The following CACNA1H variants were observed in gnomAD, a reference collection of about 807,000 sequenced individuals.
CACNA1H encodes the protein voltage-dependent T-type calcium channel subunit alpha-1H.
In CACNA1H, 149 loss-of-function variants were observed where a neutral mutation model predicts 192.5. The ratio of observed to expected loss-of-function variants is 0.77; its 90% confidence interval spans 0.68 to 0.89. The LOEUF (loss-of-function observed/expected upper bound fraction) is 0.89. Ranked by LOEUF, CACNA1H falls within the 40% of genes least tolerant of loss-of-function variation. CACNA1H has a pLI of 0.00. For missense variants in CACNA1H, 4,257 were observed against 3,423.5 expected (o/e 1.24, Z -6.08); for synonymous variants, 2,202 against 1,475.2 (o/e 1.49, Z -11.29).
At chr16:1,217,096 C>T (rs867806482) in intron 31 of CACNA1H, 86 bp downstream of exon 31, 11 of 1,196,472 alleles carry the variant, frequency 9.2e-6, no homozygotes, top group Middle Eastern at 2.2e-4. Context: ...CAGGCACATG[C>T]TTGCAAATAG....
At chr16:1,161,259 G>A (rs968505729) in intron 2 of CACNA1H, among the ~76,000 whole-genome samples, 3 of 152,220 alleles carry the variant, frequency 2.0e-5, no homozygotes, top group Non-Finnish European at 2.9e-5. Flanking sequence ...TAGGTGACAC[G>A]GGATGTTGGC....
intron 6 of CACNA1H, 196 bp downstream of exon 6, chr16:1,198,970 TGGCA>T: frequency 2.1e-6 from 1 of 470,480 alleles, no homozygotes; most frequent in Non-Finnish European, 3.6e-6. Context: ...TCCGCCCAGC[TGGCA>T]GTCACCGCCC....
intron 9 of CACNA1H, 65 bp downstream of exon 9, chr16:1,202,517 G>A (rs149113566): frequency 1.9e-5 from 26 of 1,367,664 alleles, no homozygotes; most frequent in Middle Eastern, 2.0e-4. Context: ...CAGGGTCTCC[G>A]GTGTGTCATT....
chr16:1,214,525 C>T lies in CACNA1H; in HGVS notation c.4930-447C>T, dbSNP rs576181099. ...GGCTCCCAGGTCCATCTGGGCAGTACCTCCCAGCCCAGCCCAGGCTGCATA... is the reference window on the plus strand; with the variant it reads ...GGCTCCCAGGTCCATCTGGGCAGTATCTCCCAGCCCAGCCCAGGCTGCATA... On this transcript the variant is annotated intron_variant, in intron 27 of 34. Transcript: ENST00000348261. Among the ~76,000 whole-genome samples the T allele has an allele frequency of 3.3e-5, 5 of 152,298 alleles. No individual in the cohort carries two copies. The South Asian group carries it at 8.3e-4, about 25-fold the overall frequency.
chr16:1,203,163 G>A (rs369929223), intron 9 of CACNA1H, among the ~76,000 whole-genome samples: 37 of 152,206 alleles, frequency 2.4e-4, no homozygotes, highest in African/African-American at 8.9e-4. Flanking sequence ...AGGGCGTGCA[G>A]ACGAGTGTCG....
At chr16:1,211,408 T>C in intron 22 of CACNA1H, 73 bp from the exon 23 acceptor site, 1 of 1,607,276 alleles carries the variant, frequency 6.2e-7, no homozygotes, top group Non-Finnish European at 8.5e-7. Context: ...CGGGCCTCAC[T>C]CGCGCCCCAG....
At chr16:1,196,768 G>A (rs994968156) in intron 5 of CACNA1H, among the ~76,000 whole-genome samples, 3 of 152,182 alleles carry the variant, frequency 2.0e-5, no homozygotes, top group African/African-American at 7.2e-5. Flanking sequence ...ATGCCTGCTT[G>A]TTTGGGAAAC....
intron 2 of CACNA1H, among the ~76,000 whole-genome samples, chr16:1,192,908 T>G (rs1263861366): frequency 6.7e-6 from 1 of 150,336 alleles, no homozygotes; most frequent in Admixed American, 6.6e-5. Flanking sequence ...TGAAGGAGAG[T>G]GTGGAGAGAG....
At chr16:1,206,964 G>A in intron 12 of CACNA1H, 37 bp from the exon 13 acceptor site, 1 of 867,574 alleles carries the variant, frequency 1.2e-6, no homozygotes, top group Non-Finnish European at 1.6e-6. Flanking sequence ...GCACACCCCT[G>A]CCTCCACCCT....
intron 31 of CACNA1H, 54 bp downstream of exon 31, chr16:1,217,064 C>T (rs1192032246): frequency 6.2e-6 from 9 of 1,449,012 alleles, no homozygotes; most frequent in Non-Finnish European, 8.5e-6. Flanking sequence ...GACAGGCGCC[C>T]CTGTGCCCAT....
chr16:1,170,685 G>A (rs1024610331), intron 2 of CACNA1H, among the ~76,000 whole-genome samples: 4 of 152,118 alleles, frequency 2.6e-5, no homozygotes, highest in Non-Finnish European at 4.4e-5. Flanking sequence ...GTGCCCCCAC[G>A]ATCTGGACAG....
intron 5 of CACNA1H, among the ~76,000 whole-genome samples, chr16:1,197,141 C>G (rs985048388): frequency 6.6e-6 from 1 of 152,352 alleles, no homozygotes; most frequent in Middle Eastern, 3.4e-3. Flanking sequence ...TGCCTTCCAC[C>G]TGCCTGCCTT....
intron 30 of CACNA1H, among the ~76,000 whole-genome samples, chr16:1,216,588 A>C (rs775738105): frequency 6.6e-6 from 1 of 152,234 alleles, no homozygotes; most frequent in Non-Finnish European, 1.5e-5. Flanking sequence ...CAGGAAGAGC[A>C]TGCTAGGCCT....
intron 9 of CACNA1H, among the ~76,000 whole-genome samples, chr16:1,202,874 G>A (rs955786285): frequency 1.3e-5 from 2 of 152,126 alleles, no homozygotes; most frequent in African/African-American, 4.8e-5. Flanking sequence ...GACGCTGAGT[G>A]GGGGAGTGTG....
At position 1,167,768 on chromosome 16, in the gene CACNA1H, A is replaced by G. The variant is rs1179498372; in HGVS notation, c.299+13732A>G. ...ACCCCTCCTTCAGGGACACACCCAG[A>G]CACGGGAAACGGGACACCTGGAGCT... On this transcript the variant is annotated intron_variant, in intron 2 of 34. Transcript: ENST00000348261. The surrounding 1 kb of genome is among the most constrained non-coding windows in gnomAD (Gnocchi z 4.2). 6.6e-6 allele frequency among the ~76,000 whole-genome samples: 1 copy of G among 152,064 alleles called. No homozygotes were observed. The highest frequency in any genetic ancestry group is 1.5e-5 in the Non-Finnish European group (1 of 68,022).
chr16:1,156,535 G>A (rs1422226781), intron 2 of CACNA1H, among the ~76,000 whole-genome samples: 1 of 152,180 alleles, frequency 6.6e-6, no homozygotes, highest in Non-Finnish European at 1.5e-5. Flanking sequence ...TTTGCAGGAG[G>A]CGGCAGGGGC....
intron 11 of CACNA1H, among the ~76,000 whole-genome samples, chr16:1,205,547 C>A (rs952169038): frequency 8.5e-5 from 13 of 152,194 alleles, no homozygotes; most frequent in African/African-American, 3.1e-4. Context: ...GAGCTGTTTC[C>A]TGCAGGAACA....
At position 1,220,552 on chromosome 16, in the gene CACNA1H, C is replaced by G; in HGVS notation, c.6620C>G (p.Ser2207Cys). The change falls in exon 35 of 35, where the codon TCC becomes TGC. Residue 2207 changes from serine (S) to cysteine (C), a missense_variant. Ser to Cys is a moderately radical substitution (Grantham distance 112). Coordinates refer to ENST00000348261, the MANE Select transcript of CACNA1H (RefSeq NM_021098.3). ...PAEDEGSARP[S>C]AAEGGSTTLR... is the part of the protein sequence containing the mutation. ...GAGGACGAGGGCTCTGCGCGGCCCT[C>G]CGCGGCAGAGGGCGGCAGCACCACA... 6.5e-7 allele frequency: 1 copy of G among 1,531,996 alleles called. No homozygotes were observed. The highest frequency in any genetic ancestry group is 8.7e-7 in the Non-Finnish European group (1 of 1,146,310). The allele number at this position is 1,531,996 out of a possible 1,614,324, so 94.9% of individuals were successfully genotyped here. A position where few individuals can be genotyped will look rare whatever the true frequency, so the allele number is the denominator to read the frequency against.
chr16:1,207,972 C>T, intron 15 of CACNA1H, 41 bp from the exon 16 acceptor site: 1 of 1,560,814 alleles, frequency 6.4e-7, no homozygotes, highest in Non-Finnish European at 8.7e-7. Flanking sequence ...GTCCTGGGAG[C>T]CTGGCAGCTC....
Sources: gnomAD v4.1 joint callset for allele counts (sites outside exome capture counted in the v4.1 genomes callset) on GRCh38, gnomAD v4.1.1 for gene constraint, Gnocchi (gnomAD v3.1) non-coding constraint, MANE v1.5 for transcripts, NCBI Gene and HGNC (gene_info 2026-07-23, HGNC 2026-07-21) for gene names.